NDUFA11: variants seen among roughly 807,000 people sequenced by gnomAD.
NDUFA11 encodes the protein NADH:ubiquinone oxidoreductase subunit A11, also known as NADH dehydrogenase [ubiquinone] 1 alpha subcomplex subunit 11.
A neutral mutation model predicts 11.3 loss-of-function variants in NDUFA11; 14 were observed. The observed-to-expected ratio is 1.24, with a 90% CI of 0.82 to 1.94. NDUFA11 has a LOEUF of 1.94. Among genes scored for constraint, NDUFA11 ranks in the 30% most tolerant of loss-of-function variants. The pLI is 0.00. For synonymous variants in NDUFA11, 87 were observed against 85.6 expected (o/e 1.02, Z -0.09); for missense variants, 204 against 200.3 (o/e 1.02, Z -0.11).
Position 5,894,794 on chromosome 19 carries a change from A to G in NDUFA11, c.374T>C (p.Val125Ala), listed in dbSNP as rs975045862. Residue 125 changes from valine to alanine, a missense_variant, in exon 4 of 4, where the codon GTC becomes GCC. Physicochemically the swap from Val to Ala is moderately conservative, Grantham distance 64 (BLOSUM62 0). Transcript: ENST00000308961. Reference sequence around the variant, plus strand: ...CCAGCCCTCCAGCCGGCCCATCTTGACCAGGGAGGCCGCTATGCCAAAGTA... The same window carrying G: ...CCAGCCCTCCAGCCGGCCCATCTTGGCCAGGGAGGCCGCTATGCCAAAGTA... The part of the protein sequence containing the change: ...CVYFGIAASL[V>A]KMGRLEGWEV... 12 of 1,613,498 alleles carry G rather than the reference A, an allele frequency of 7.4e-6. No homozygotes were observed. In the Admixed American group the frequency reaches 2.0e-4, roughly 27 times the overall value.
rs1599692322 is a variant in NDUFA11 at position 5,896,192 on chromosome 19, T to G, written c.313+261A>C. The stretch of plus-strand genomic sequence containing the variant: ...CTGGGGCAGGACTGTACCTGGCATG[T>G]GGGAGGAGCAGTGAGGAGGCCCGTG... On this transcript the variant is annotated intron_variant, in intron 3 of 3. Coordinates refer to ENST00000308961, the MANE Select transcript of NDUFA11 (RefSeq NM_175614.5). The surrounding 1 kb of genome is among the most constrained non-coding windows in gnomAD (Gnocchi z 5.8). The G allele has an allele frequency of 1.8e-6, 1 of 555,430 alleles. No homozygotes were observed. Among genetic ancestry groups the G allele is most frequent in the East Asian group, 2.9e-5 (1 of 34,366 alleles). 34.4% of individuals were successfully genotyped at this position (555,430 alleles called of 1,614,324 possible).
At chr19:5,902,610 A>T (rs946231861) in intron 1 of NDUFA11, 1 of 152,374 alleles carries the variant, frequency 6.6e-6, no homozygotes, top group Non-Finnish European at 1.5e-5. Flanking sequence ...TTCCAGCTCC[A>T]TCTGGGACCT....
chr19:5,901,048 G>C (rs1016020935), intron 1 of NDUFA11, among the ~76,000 whole-genome samples: 1 of 151,990 alleles, frequency 6.6e-6, no homozygotes, highest in Non-Finnish European at 1.5e-5. Flanking sequence ...TGCCATCAGC[G>C]ATCTCCTGAC....
chr19:5,896,245 G>A lies in NDUFA11; in HGVS notation c.313+208C>T, dbSNP rs1426808731. On this transcript the variant is annotated intron_variant, in intron 3 of 3. Coordinates refer to ENST00000308961, the MANE Select transcript of NDUFA11 (RefSeq NM_175614.5). This position sits in a 1 kb window ranked among gnomAD's most constrained non-coding sequence, Gnocchi z 5.8. ...GCTGGAGCAGAGTGAGGAGGGGAGGGTGGGGAGGGGACAGGGCAGGTCAGG... is the reference window on the plus strand; with the variant it reads ...GCTGGAGCAGAGTGAGGAGGGGAGGATGGGGAGGGGACAGGGCAGGTCAGG... 10 of 612,092 alleles carry A rather than the reference G, an allele frequency of 1.6e-5. No individual in the cohort carries two copies. Among genetic ancestry groups the A allele is most frequent in the Admixed American group, 2.9e-5 (1 of 34,404 alleles). 37.9% of individuals were successfully genotyped at this position (612,092 alleles called of 1,614,324 possible). A position where few individuals can be genotyped will look rare whatever the true frequency, so the allele number is the denominator to read the frequency against.
chr19:5,894,979 G>C (rs922215219), intron 3 of NDUFA11, 125 bp from the exon 4 acceptor site: 1 of 1,088,668 alleles, frequency 9.2e-7, no homozygotes, highest in African/African-American at 1.6e-5. Flanking sequence ...TCTCTTCAGG[G>C]ATTAAGTCAC....
chr19:5,902,789 G>C (rs1370845898), intron 1 of NDUFA11: 2 of 152,580 alleles, frequency 1.3e-5, no homozygotes, highest in Non-Finnish European at 2.9e-5. Context: ...TGGGCGGATG[G>C]CCTGAGACCA....
At chr19:5,898,952 G>T (rs996612770) in intron 1 of NDUFA11, among the ~76,000 whole-genome samples, 1 of 151,618 alleles carries the variant, frequency 6.6e-6, no homozygotes, top group Non-Finnish European at 1.5e-5. Context: ...CAGGAAAGGG[G>T]GTTGCTACTG....
chr19:5,892,548 C>T, downstream of NDUFA11: 1 of 185,412 alleles, frequency 5.4e-6, no homozygotes, highest in East Asian at 1.4e-4. Flanking sequence ...GCCATCACTT[C>T]CCGGCTGCGG....
chr19:5,903,075 AC>A (rs370929202), intron 1 of NDUFA11, among the ~76,000 whole-genome samples: 196 of 149,856 alleles, frequency 1.3e-3, no homozygotes, highest in African/African-American at 4.6e-3. Context: ...CTGCAAGGCT[AC>A]CCTCATAGTA....
At chr19:5,899,242 T>C (rs905573311) in intron 1 of NDUFA11, among the ~76,000 whole-genome samples, 10 of 150,946 alleles carry the variant, frequency 6.6e-5, no homozygotes, top group Non-Finnish European at 1.0e-4. Flanking sequence ...CCCCGCCTCC[T>C]GGGTTCACAC....
downstream of NDUFA11, chr19:5,893,157 G>A (rs2057588174): frequency 6.5e-7 from 1 of 1,536,088 alleles, no homozygotes; most frequent in Non-Finnish European, 8.7e-7. The surrounding 1 kb of genome is among the most constrained non-coding windows in gnomAD (Gnocchi z 4.1). Context: ...GGCAGGCGCT[G>A]GAAGAAGGGA....
At chr19:5,894,911 C>T (rs2057598431) in intron 3 of NDUFA11, 57 bp from the exon 4 acceptor site, 5 of 1,527,064 alleles carry the variant, frequency 3.3e-6, no homozygotes, top group Non-Finnish European at 4.4e-6. Context: ...GACCAAGACG[C>T]TCCACGCCCT....
intron 1 of NDUFA11, among the ~76,000 whole-genome samples, chr19:5,901,923 G>A (rs999726190): frequency 1.4e-5 from 2 of 146,986 alleles, no homozygotes; most frequent in Non-Finnish European, 3.0e-5. Context: ...CACCTGCCTC[G>A]GCCTCCCAAA....
Position 5,894,737 on chromosome 19 carries a change from A to AG in NDUFA11, c.*4dup. The AG allele has an allele frequency of 1.9e-6, 3 of 1,612,284 alleles. No individual in the cohort carries two copies. The highest frequency in any genetic ancestry group is 2.5e-6 in the Non-Finnish European group (3 of 1,179,282). ...GCAGGCTGGAGGTCCCGGCAGGCAC[A>AG]GGGCTCACACCTTGGGTTTTGCAAA... On this transcript the variant is annotated 3_prime_UTR_variant, in exon 4 of 4. Transcript: ENST00000308961.
At chr19:5,893,020 C>T (rs1352239814), downstream of NDUFA11, 5 of 1,534,592 alleles carry the variant, frequency 3.3e-6, no homozygotes, top group Admixed American at 3.9e-5. This position sits in a 1 kb window ranked among gnomAD's most constrained non-coding sequence, Gnocchi z 4.1. Context: ...GGTGTGTCCG[C>T]CCTTTCTCAG....
At chr19:5,893,185 C>T (rs757852883), downstream of NDUFA11, 12 of 1,536,070 alleles carry the variant, frequency 7.8e-6, no homozygotes, top group Non-Finnish European at 1.0e-5. The surrounding 1 kb of genome is among the most constrained non-coding windows in gnomAD (Gnocchi z 4.1). Context: ...TCTCTGTACA[C>T]AGTGGCTCAT....
downstream of NDUFA11, chr19:5,892,896 G>A: frequency 7.0e-7 from 1 of 1,428,176 alleles, no homozygotes; most frequent in Non-Finnish European, 9.1e-7. Flanking sequence ...GCCGTCCTCT[G>A]AGGACAGAAC....
chr19:5,902,503 C>G (rs1016448595), intron 1 of NDUFA11: 1 of 152,464 alleles, frequency 6.6e-6, no homozygotes, highest in Non-Finnish European at 1.5e-5. Context: ...TGGCCTCAAG[C>G]GATCCTCCCA....
downstream of NDUFA11, among the ~76,000 whole-genome samples, chr19:5,894,052 C>T (rs2057592619): frequency 6.6e-6 from 1 of 152,234 alleles, no homozygotes; most frequent in South Asian, 2.1e-4. Context: ...TGCCAGCATT[C>T]CAGGGCCACC....
Sources: allele counts gnomAD v4.1 joint callset (sites outside exome capture counted in the v4.1 genomes callset), GRCh38; gene constraint gnomAD v4.1.1; non-coding constraint Gnocchi (gnomAD v3.1); transcripts MANE v1.5; gene names NCBI Gene and HGNC (gene_info 2026-07-23, HGNC 2026-07-21).